CEP128: variants seen among roughly 807,000 people sequenced by gnomAD.
CEP128 encodes the protein centrosomal protein 128kDa.
Under a neutral mutation model 156.7 loss-of-function variants are expected in CEP128, and 132 were observed. The ratio of observed to expected loss-of-function variants is 0.84; its 90% confidence interval spans 0.73 to 0.97. CEP128 has a LOEUF of 0.97. CEP128 is among the 50% of genes least tolerant of loss of function. CEP128 has a pLI of 0.00. For missense variants in CEP128, 1,252 were observed against 1,281.9 expected (o/e 0.98, Z 0.36); for synonymous variants, 469 against 448.9 (o/e 1.04, Z -0.57).
intron 18 of CEP128, among the ~76,000 whole-genome samples, chr14:80,746,976 A>G (rs1899133824): frequency 6.6e-6 from 1 of 152,248 alleles, no homozygotes; most frequent in Non-Finnish European, 1.5e-5. Flanking sequence ...AAGCACATGA[A>G]AAGATGCTGA....
rs73326635 is a variant in CEP128 at position 80,543,710 on chromosome 14, T to G, written c.2881-12824A>C. ...TCCAATAGCTAGAAAGTCCTTCCCTTCCCTGCCCAAATGAAAGCCATGCAT... is the reference window on the plus strand; with the variant it reads ...TCCAATAGCTAGAAAGTCCTTCCCTGCCCTGCCCAAATGAAAGCCATGCAT... On this transcript the variant is annotated intron_variant, in intron 21 of 24. Transcript: ENST00000555265. Among the ~76,000 whole-genome samples, 493 of 152,248 alleles carry G rather than the reference T, an allele frequency of 3.2e-3. 1 individual carries two copies. Among genetic ancestry groups the G allele is most frequent in the African/African-American group, 0.011 (447 of 41,540 alleles).
At chr14:80,605,429 C>G (rs1595078563) in intron 19 of CEP128, among the ~76,000 whole-genome samples, 1 of 152,044 alleles carries the variant, frequency 6.6e-6, no homozygotes, top group African/African-American at 2.4e-5. Flanking sequence ...TTCTCGTTCA[C>G]CTCGAATATC....
rs1198107156 is a variant in CEP128 at position 80,743,285 on chromosome 14, T to C, written c.2614-18A>G. On this transcript the variant is annotated intron_variant, in intron 18 of 24. Coordinates refer to ENST00000555265, the MANE Select transcript of CEP128 (RefSeq NM_152446.5). ...AGTTTAGTCTAAAAAATAACATTTA[T>C]ATCTAATGGTTAAAGAAACTCAGAA... The C allele has an allele frequency of 2.0e-6, 3 of 1,534,222 alleles. No individual in the cohort carries two copies. Among genetic ancestry groups the C allele is most frequent in the African/African-American group, 1.4e-5 (1 of 73,142 alleles).
At chr14:80,510,318 C>A (rs1227684788) in intron 23 of CEP128, among the ~76,000 whole-genome samples, 1 of 152,002 alleles carries the variant, frequency 6.6e-6, no homozygotes, top group African/African-American at 2.4e-5. Context: ...TTATAGTTTT[C>A]ATTGTAGAGA....
intron 20 of CEP128, among the ~76,000 whole-genome samples, chr14:80,576,552 C>T (rs1237759489): frequency 6.6e-6 from 1 of 152,084 alleles, no homozygotes; most frequent in Non-Finnish European, 1.5e-5. Context: ...ACACTCTCCT[C>T]CCTGAGGCTC....
At chr14:80,941,030 G>A (rs1886123973) in intron 1 of CEP128, among the ~76,000 whole-genome samples, 1 of 152,174 alleles carries the variant, frequency 6.6e-6, no homozygotes, top group African/African-American at 2.4e-5. Context: ...ATGCAGCTGG[G>A]ATTCAATGTC....
At chr14:80,738,449 T>C (rs540495291) in intron 19 of CEP128, among the ~76,000 whole-genome samples, 42 of 152,252 alleles carry the variant, frequency 2.8e-4, no homozygotes, top group Non-Finnish European at 2.6e-4. Context: ...TTGAGAACAC[T>C]ATTGACAGAT....
At chr14:80,736,694 T>C (rs923905378) in intron 19 of CEP128, among the ~76,000 whole-genome samples, 8 of 152,222 alleles carry the variant, frequency 5.3e-5, no homozygotes, top group African/African-American at 1.9e-4. Flanking sequence ...AGAAGTGTTA[T>C]AAATTTTAGG....
At chr14:80,678,952 T>C (rs966624024) in intron 19 of CEP128, among the ~76,000 whole-genome samples, 3 of 152,232 alleles carry the variant, frequency 2.0e-5, no homozygotes, top group African/African-American at 7.2e-5. Context: ...TTAATACTTT[T>C]ATAATTTCTT....
At chr14:80,739,272 C>T (rs931251625) in intron 19 of CEP128, among the ~76,000 whole-genome samples, 4 of 152,068 alleles carry the variant, frequency 2.6e-5, no homozygotes, top group Non-Finnish European at 5.9e-5. Context: ...AGAAGCTACC[C>T]ATCAAAATAA....
chr14:80,488,893 C>G (rs573076205), downstream of CEP128, among the ~76,000 whole-genome samples: 1 of 148,892 alleles, frequency 6.7e-6, no homozygotes, highest in Non-Finnish European at 1.5e-5. Context: ...GACAAAAAAC[C>G]AAACACCACA....
At chr14:80,933,374 A>G (rs2195102) in intron 2 of CEP128, among the ~76,000 whole-genome samples, 9,647 of 152,144 alleles carry the variant, frequency 0.063, 1,012 homozygotes, top group African/African-American at 0.22. Context: ...CTCTAAGTTT[A>G]TATCTCCTTT....
intron 6 of CEP128, among the ~76,000 whole-genome samples, chr14:80,491,337 C>T (rs982241047): frequency 8.5e-5 from 13 of 152,088 alleles, no homozygotes; most frequent in South Asian, 2.1e-4. Flanking sequence ...AGCTGTTGGG[C>T]GGAGGCTGCT....
intron 8 of CEP128, among the ~76,000 whole-genome samples, chr14:80,865,880 TTC>T (rs1887745172): frequency 6.6e-6 from 1 of 152,098 alleles, no homozygotes; most frequent in South Asian, 2.1e-4. Context: ...TGGCTTGTCA[TTC>T]CAGTCAAGCC....
chr14:80,832,369 T>C (rs1020371445), intron 12 of CEP128, among the ~76,000 whole-genome samples: 2 of 152,118 alleles, frequency 1.3e-5, no homozygotes, highest in Non-Finnish European at 2.9e-5. Context: ...AACTACTGTC[T>C]TTCTAGTGGT....
chr14:80,845,593 T>C (rs1886559793), intron 9 of CEP128, among the ~76,000 whole-genome samples: 1 of 152,194 alleles, frequency 6.6e-6, no homozygotes, highest in Non-Finnish European at 1.5e-5. Context: ...AAATTTAATT[T>C]AGAATTTCTC....
downstream of CEP128, among the ~76,000 whole-genome samples, chr14:80,487,988 C>T (rs1483091334): frequency 6.6e-6 from 1 of 150,472 alleles, no homozygotes; most frequent in Middle Eastern, 3.2e-3. Flanking sequence ...AGAGCAAACA[C>T]ATTCAAAAGC....
chr14:80,763,172 C>T (rs781534678), intron 16 of CEP128, among the ~76,000 whole-genome samples: 5 of 152,048 alleles, frequency 3.3e-5, no homozygotes, highest in African/African-American at 7.2e-5. Context: ...AAATGGCATC[C>T]GGCTAATGAA....
chr14:80,823,361 GA>G (rs1885291929), intron 13 of CEP128, among the ~76,000 whole-genome samples: 1 of 152,330 alleles, frequency 6.6e-6, no homozygotes, highest in Non-Finnish European at 1.5e-5. Context: ...GTCGGCTTGT[GA>G]AAAGTTGTTA....
Sources: gnomAD v4.1 joint callset for allele counts (sites outside exome capture counted in the v4.1 genomes callset) on GRCh38, gnomAD v4.1.1 for gene constraint, MANE v1.5 for transcripts, NCBI Gene and HGNC (gene_info 2026-07-23, HGNC 2026-07-21) for gene names.